Variants in CLTC observed in about 807,000 individuals in gnomAD.
CLTC encodes the protein clathrin heavy chain 1.
Under a neutral mutation model 195.8 loss-of-function variants are expected in CLTC, and 16 were observed. The ratio of observed to expected loss-of-function variants is 0.08; its 90% CI spans 0.06 to 0.12. CLTC has a LOEUF of 0.12. CLTC is among the 10% of genes least tolerant of loss of function. The pLI, the probability that CLTC is intolerant of heterozygous loss-of-function variation, is 1.00. For missense variants in CLTC, 796 were observed against 2,027.0 expected (o/e 0.39, Z 11.66); for synonymous variants, 667 against 689.4 (o/e 0.97, Z 0.51).
At chr17:59,635,103 A>G (rs1418526910) in intron 1 of CLTC, among the ~76,000 whole-genome samples, 1 of 151,656 alleles carries the variant, frequency 6.6e-6, no homozygotes, top group Admixed American at 6.5e-5. Flanking sequence ...TTGTTGACCT[A>G]TTAACTCTAC....
chr17:59,632,085 C>T (rs977228748), intron 1 of CLTC, among the ~76,000 whole-genome samples: 2 of 150,232 alleles, frequency 1.3e-5, no homozygotes, highest in Non-Finnish European at 3.0e-5. Context: ...TTTTAGAAAC[C>T]GGGCTGGGTG....
In CLTC at chr17:59,696,151, C is replaced by A; in HGVS notation, c.*2299C>A. 1 of 218,880 alleles carries A rather than the reference C, an allele frequency of 4.6e-6. No homozygotes were observed. Among genetic ancestry groups the A allele is most frequent in the Admixed American group, 5.8e-5 (1 of 17,342 alleles). 13.6% of individuals were successfully genotyped at this position (218,880 alleles called of 1,614,324 possible). A position where few individuals can be genotyped will look rare whatever the true frequency, so the allele number is the denominator to read the frequency against. ...AGAATCATGCACTTAGCACTGAGTT[C>A]AACTCAGTCTTAACGTTGCATTTTG... On this transcript the variant is annotated 3_prime_UTR_variant, in exon 32 of 32. Coordinates refer to ENST00000269122, the MANE Select transcript of CLTC (RefSeq NM_004859.4).
chr17:59,627,022 C>T (rs1371208487), intron 1 of CLTC, among the ~76,000 whole-genome samples: 1 of 152,122 alleles, frequency 6.6e-6, no homozygotes, highest in African/African-American at 2.4e-5. Flanking sequence ...CCTCTGCTCC[C>T]TAAATAGCTG....
chr17:59,689,128 G>A (rs2033244523), intron 30 of CLTC: 1 of 152,142 alleles, frequency 6.6e-6, no homozygotes, highest in Admixed American at 6.5e-5. Flanking sequence ...TAGGATAATA[G>A]TGTATAAAAG....
At chr17:59,644,542 T>TG (rs1360421228) in intron 2 of CLTC, 59 bp downstream of exon 2, 5 of 1,327,122 alleles carry the variant, frequency 3.8e-6, no homozygotes, top group South Asian at 2.6e-5. Flanking sequence ...TTTTTTTGTT[T>TG]TTTTTTTGTT....
In CLTC at chr17:59,694,505, A is replaced by G. The variant is rs1387160873; in HGVS notation, c.*653A>G. On this transcript the variant is annotated 3_prime_UTR_variant, in exon 32 of 32. Transcript: ENST00000269122. ...TGCTAGTATGTTTTGCTCACTTCAT[A>G]TGTAACAGGTGCCCTTATGTTGTGC... The G allele has an allele frequency of 4.4e-6, 1 of 226,652 alleles. No individual in the cohort carries two copies. The highest frequency in any genetic ancestry group is 8.8e-6 in the Non-Finnish European group (1 of 113,758). 14.0% of individuals were successfully genotyped at this position (226,652 alleles called of 1,614,324 possible).
intron 10 of CLTC, among the ~76,000 whole-genome samples, chr17:59,665,840 C>A (rs2032718212): frequency 6.6e-6 from 1 of 151,308 alleles, no homozygotes; most frequent in African/African-American, 2.4e-5. Flanking sequence ...AACTCTGCCT[C>A]AAAAAAATAA....
chr17:59,661,553 G>A lies in CLTC; in HGVS notation c.1278G>A (p.Gln426=), dbSNP rs757094437. 6.8e-6 allele frequency: 11 copies of A among 1,614,002 alleles called. No homozygotes were observed. The East Asian group carries it at 1.1e-4, about 16-fold the overall frequency. ...TTGGTATCCTTTTGGACCAGGGACA[G>A]CTCAACAAATACGAATCCTTAGAGC... ...QYFGILLDQG[Q]LNKYESLELC... The change falls in exon 8 of 32, where the codon CAG becomes CAA. Residue 426 remains glutamine (Q), a synonymous_variant. Transcript: ENST00000269122.
chr17:59,630,633 A>G (rs2031685366), intron 1 of CLTC, among the ~76,000 whole-genome samples: 1 of 152,134 alleles, frequency 6.6e-6, no homozygotes, highest in Non-Finnish European at 1.5e-5. Context: ...CTATGGATTT[A>G]CCTGTTCTGG....
In CLTC at chr17:59,685,040, GC is replaced by G. The variant is rs776433938; in HGVS notation, c.4435-15del. The G allele has an allele frequency of 4.8e-6, 7 of 1,467,208 alleles. No individual in the cohort carries two copies. The highest frequency in any genetic ancestry group is 6.4e-6 in the Non-Finnish European group (7 of 1,088,780). 90.9% of individuals were successfully genotyped at this position (1,467,208 alleles called of 1,614,324 possible). A position where few individuals can be genotyped will look rare whatever the true frequency, so the allele number is the denominator to read the frequency against. On this transcript the variant is annotated splice_polypyrimidine_tract_variant and intron_variant, in intron 28 of 31. Coordinates refer to ENST00000269122, the MANE Select transcript of CLTC (RefSeq NM_004859.4). The surrounding 1 kb of genome is among the most constrained non-coding windows in gnomAD (Gnocchi z 5.0). ...AAAATACTGATCTGGCATTTGGATG[GC>G]TTTTTTTTTTTAAGGCTCTGCGAAC...
chr17:59,672,871 T>C (rs2032884125), intron 14 of CLTC, among the ~76,000 whole-genome samples: 1 of 152,176 alleles, frequency 6.6e-6, no homozygotes, highest in Admixed American at 6.5e-5. Context: ...TTGAGGAATG[T>C]TTCACTGTGT....
intron 1 of CLTC, among the ~76,000 whole-genome samples, chr17:59,630,044 CAAGTG>C (rs2031665500): frequency 6.6e-6 from 1 of 152,068 alleles, no homozygotes; most frequent in African/African-American, 2.4e-5. Context: ...TGCTCTGTCT[CAAGTG>C]GAGTACAGTG....
chr17:59,659,372 G>C (rs2032553198), intron 6 of CLTC, among the ~76,000 whole-genome samples: 1 of 151,426 alleles, frequency 6.6e-6, no homozygotes, highest in South Asian at 2.1e-4. Flanking sequence ...TTTGAGGGTA[G>C]GTAATTTTCC....
intron 1 of CLTC, among the ~76,000 whole-genome samples, chr17:59,637,715 A>C (rs1195898261): frequency 6.6e-6 from 1 of 150,506 alleles, no homozygotes; most frequent in Non-Finnish European, 1.5e-5. Flanking sequence ...AAAAAAAAAA[A>C]ATTAGCTGGG....
In CLTC at chr17:59,666,721, A is replaced by G. The variant is rs541279353; in HGVS notation, c.1948-76A>G. ...ACTGAAAATGTGTTTGTGGTACTAA[A>G]TATTAATAATTTCATACCACCATGA... is the stretch of plus-strand genomic sequence containing the variant. On this transcript the variant is annotated intron_variant, in intron 12 of 31. Transcript: ENST00000269122. This position sits in a 1 kb window ranked among gnomAD's most constrained non-coding sequence, Gnocchi z 4.9. 1 of 1,554,856 alleles carries G rather than the reference A, an allele frequency of 6.4e-7. No individual in the cohort carries two copies. The highest frequency in any genetic ancestry group is 2.3e-5 in the East Asian group (1 of 44,314).
intron 31 of CLTC, among the ~76,000 whole-genome samples, chr17:59,691,886 C>CA (rs1487650913): frequency 3.3e-5 from 5 of 151,070 alleles, no homozygotes; most frequent in Admixed American, 6.6e-5. Context: ...ACAGTAGGAA[C>CA]AAAAAAAAGA....
At chr17:59,678,685 G>C (rs1351748395) in intron 17 of CLTC, among the ~76,000 whole-genome samples, 4 of 152,104 alleles carry the variant, frequency 2.6e-5, no homozygotes, top group African/African-American at 9.7e-5. Flanking sequence ...TTTCCCTAGG[G>C]AACCTTTTAC....
Position 59,679,475 on chromosome 17 carries a change from G to A in CLTC, c.2875G>A (p.Val959Met), listed in dbSNP as rs2143586651. 7 of 1,610,566 alleles carry A rather than the reference G, an allele frequency of 4.3e-6. No individual in the cohort carries two copies. The highest frequency in any genetic ancestry group is 5.9e-6 in the Non-Finnish European group (7 of 1,178,210). ...AAAGGATCCAGAATTGTGGGGCAGC[G>A]TGCTGCTGGAAAGCAATCCTTACAG... ...RRKDPELWGS[V>M]LLESNPYRRP... The change falls in exon 18 of 32, where the codon GTG becomes ATG. Residue 959 changes from valine (V) to methionine (M), a missense_variant. This residue lies in a region of CLTC where 160 missense variants were observed against 448.2 expected (regional missense o/e 0.36). Transcript: ENST00000269122.
At chr17:59,676,377 T>C (rs563182405) in intron 16 of CLTC, among the ~76,000 whole-genome samples, 2 of 152,310 alleles carry the variant, frequency 1.3e-5, no homozygotes, top group South Asian at 4.1e-4. Context: ...TAATGCTGTA[T>C]GTTAATTGTG....
Sources: allele counts gnomAD v4.1 joint callset (sites outside exome capture counted in the v4.1 genomes callset), GRCh38; gene constraint gnomAD v4.1.1; regional missense constraint gnomAD v4.1.1; non-coding constraint Gnocchi (gnomAD v3.1); transcripts MANE v1.5; gene names NCBI Gene and HGNC (gene_info 2026-07-23, HGNC 2026-07-21).